Variants in CACNG8 observed in about 807,000 individuals in gnomAD.
CACNG8 encodes voltage-dependent calcium channel gamma-8 subunit.
Under a neutral mutation model 26.9 loss-of-function variants are expected in CACNG8, and 5 were observed. The ratio of observed to expected loss-of-function variants is 0.19; its 90% confidence interval spans 0.10 to 0.39. CACNG8 has a LOEUF of 0.39. CACNG8 is among the 10% of genes least tolerant of loss of function. CACNG8 has a pLI of 1.00. For synonymous variants in CACNG8, 321 were observed against 296.7 expected, an observed-to-expected ratio of 1.08 and a Z score of -0.84; for missense variants, 473 against 609.4, an observed-to-expected ratio of 0.78 and a Z score of 2.36.
chr19:53,967,456 C>G (rs1166902274), intron 1 of CACNG8, among the ~76,000 whole-genome samples: 1 of 152,182 alleles, frequency 6.6e-6, no homozygotes, highest in Non-Finnish European at 1.5e-5. Context: ...GGAGCAGTCT[C>G]TATCACGACT....
intron 1 of CACNG8, among the ~76,000 whole-genome samples, chr19:53,974,335 CAT>C (rs1414644903): frequency 6.6e-6 from 1 of 152,186 alleles, no homozygotes; most frequent in Non-Finnish European, 1.5e-5. Context: ...GTACATAGCA[CAT>C]GTTGTTTATC....
intron 1 of CACNG8, among the ~76,000 whole-genome samples, chr19:53,964,847 A>C (rs1363843354): frequency 1.3e-5 from 2 of 152,090 alleles, no homozygotes; most frequent in African/African-American, 4.8e-5. Flanking sequence ...CCTGCACCCC[A>C]GCCTCACAGC....
At position 53,987,868 on chromosome 19, in the gene CACNG8, A is replaced by G. The variant is rs2069416907; in HGVS notation, c.*5019A>G. The G allele has an allele frequency of 6.6e-6, 1 of 152,078 alleles. No individual in the cohort carries two copies. The highest frequency in any genetic ancestry group is 2.1e-4 in the South Asian group (1 of 4,812). The allele number at this position is 152,078 out of a possible 1,614,324, so 9.4% of individuals were successfully genotyped here. A position where few individuals can be genotyped will look rare whatever the true frequency, so the allele number is the denominator to read the frequency against. ...AAAAACGTAAGTTTTGGAAACGTCA[A>G]CATAAAGCCACAGGATTGGGTGACG... On this transcript the variant is annotated 3_prime_UTR_variant, in exon 4 of 4. Coordinates refer to ENST00000270458, the MANE Select transcript of CACNG8 (RefSeq NM_031895.6).
At chr19:53,966,246 C>T (rs144483336) in intron 1 of CACNG8, among the ~76,000 whole-genome samples, 114 of 151,850 alleles carry the variant, frequency 7.5e-4, no homozygotes, top group African/African-American at 2.5e-3. Context: ...TGCCACCATG[C>T]CCGGCTAATT....
chr19:53,966,199 T>G (rs768806606), intron 1 of CACNG8, among the ~76,000 whole-genome samples: 7 of 152,132 alleles, frequency 4.6e-5, no homozygotes, highest in Non-Finnish European at 7.4e-5. Context: ...GCGATTCTCA[T>G]ACCTCAGCCT....
At chr19:53,972,720 C>T (rs1393762881) in intron 1 of CACNG8, among the ~76,000 whole-genome samples, 1 of 152,164 alleles carries the variant, frequency 6.6e-6, no homozygotes, top group Non-Finnish European at 1.5e-5. Flanking sequence ...CACTACCATC[C>T]TCAATTTCCC....
intron 1 of CACNG8, among the ~76,000 whole-genome samples, chr19:53,964,120 G>C (rs75546912): frequency 0.039 from 5,870 of 151,798 alleles, 366 homozygotes; most frequent in African/African-American, 0.13. Flanking sequence ...CCTCTTTCCC[G>C]TCAGTTCATC....
Position 53,984,437 on chromosome 19 carries a change from A to T in CACNG8, c.*1588A>T, listed in dbSNP as rs982848947. 6.6e-6 allele frequency: 1 copy of T among 152,234 alleles called. No homozygotes were observed. Among genetic ancestry groups the T allele is most frequent in the African/African-American group, 2.4e-5 (1 of 41,446 alleles). 9.4% of individuals were successfully genotyped at this position (152,234 alleles called of 1,614,324 possible). ...AGCACTTGGGGTAGGCTTCCTGGAG[A>T]ATATGATGCCCATTCTGGGTCTTGA... is the stretch of plus-strand genomic sequence containing the variant. On this transcript the variant is annotated 3_prime_UTR_variant, in exon 4 of 4. Transcript: ENST00000270458.
intron 1 of CACNG8, among the ~76,000 whole-genome samples, chr19:53,969,443 A>G (rs1430950485): frequency 7.3e-6 from 1 of 137,838 alleles, no homozygotes; most frequent in Non-Finnish European, 1.6e-5. Context: ...TTTTTTTTTT[A>G]GAGATGGGTC....
At chr19:53,976,416 C>A (rs2145938304) in intron 1 of CACNG8, among the ~76,000 whole-genome samples, 1 of 152,294 alleles carries the variant, frequency 6.6e-6, no homozygotes. Flanking sequence ...GCACACAAAC[C>A]ACATGATCTA....
In CACNG8 at chr19:53,985,777, A is replaced by C. The variant is rs2069403430; in HGVS notation, c.*2928A>C. 6.6e-6 allele frequency: 1 copy of C among 151,830 alleles called. No homozygotes were observed. Among genetic ancestry groups the C allele is most frequent in the Non-Finnish European group, 1.5e-5 (1 of 68,030 alleles). The allele number at this position is 151,830 out of a possible 1,614,324, so 9.4% of individuals were successfully genotyped here. A position where few individuals can be genotyped will look rare whatever the true frequency, so the allele number is the denominator to read the frequency against. On this transcript the variant is annotated 3_prime_UTR_variant, in exon 4 of 4. Coordinates refer to ENST00000270458, the MANE Select transcript of CACNG8 (RefSeq NM_031895.6). ...CTTGGGCCTGGGAGGGTGAGGCTGC[A>C]GTGACCCGTGATGGCACCACTGCGC...
In CACNG8 at chr19:53,982,942, C is replaced by T. The variant is rs1278788159; in HGVS notation, c.*93C>T. On this transcript the variant is annotated 3_prime_UTR_variant, in exon 4 of 4. Transcript: ENST00000270458. This position sits in a 1 kb window ranked among gnomAD's most constrained non-coding sequence, Gnocchi z 8.4. ...CGGGGTCGGGGGCGCCCCCGCTTTC[C>T]CCCGTGAGCGCGCTGGAGACTGCTG... 2 of 876,788 alleles carry T rather than the reference C, an allele frequency of 2.3e-6. No individual in the cohort carries two copies. The highest frequency in any genetic ancestry group is 4.9e-5 in the South Asian group (1 of 20,296). The allele number at this position is 876,788 out of a possible 1,614,324, so 54.3% of individuals were successfully genotyped here.
intron 1 of CACNG8, among the ~76,000 whole-genome samples, chr19:53,967,600 C>T (rs920624174): frequency 6.6e-5 from 10 of 152,080 alleles, no homozygotes; most frequent in African/African-American, 2.4e-4. Context: ...TTTGGGAGGC[C>T]AAAGCAGGCG....
intron 1 of CACNG8, among the ~76,000 whole-genome samples, chr19:53,968,582 A>G (rs2069284406): frequency 6.6e-6 from 1 of 151,808 alleles, no homozygotes; most frequent in Non-Finnish European, 1.5e-5. Flanking sequence ...AGCCTGACCA[A>G]CATGGTGAAA....
chr19:53,979,119 G>C (rs2069348451), intron 2 of CACNG8, among the ~76,000 whole-genome samples: 1 of 148,258 alleles, frequency 6.7e-6, no homozygotes, highest in African/African-American at 2.5e-5. Flanking sequence ...TTGTGGGTGG[G>C]GGTGGCTAGG....
chr19:53,982,873 G>T lies in CACNG8; in HGVS notation c.*24G>T. The T allele has an allele frequency of 7.9e-7, 1 of 1,258,048 alleles. No individual in the cohort carries two copies. The highest frequency in any genetic ancestry group is 1.0e-6 in the Non-Finnish European group (1 of 1,001,224). The allele number at this position is 1,258,048 out of a possible 1,614,324, so 77.9% of individuals were successfully genotyped here. On this transcript the variant is annotated 3_prime_UTR_variant, in exon 4 of 4. Coordinates refer to ENST00000270458, the MANE Select transcript of CACNG8 (RefSeq NM_031895.6). The surrounding 1 kb of genome is among the most constrained non-coding windows in gnomAD (Gnocchi z 8.4). The stretch of plus-strand genomic sequence containing the variant: ...AGGGGCGCGGCGGGGGAGCCGAGGG[G>T]CGTGTCCGGGGCGCGTGCGCGGGCG...
chr19:53,966,284 T>C (rs1173174959), intron 1 of CACNG8, among the ~76,000 whole-genome samples: 1 of 151,970 alleles, frequency 6.6e-6, no homozygotes, highest in East Asian at 1.9e-4. Context: ...GACAGGGTTT[T>C]ACCATGTTGG....
chr19:53,971,374 A>G (rs1170403159), intron 1 of CACNG8, among the ~76,000 whole-genome samples: 1 of 152,202 alleles, frequency 6.6e-6, no homozygotes, highest in African/African-American at 2.4e-5. Context: ...CATAGCCAAG[A>G]TATTATCACT....
chr19:53,973,800 T>G (rs1600030166), intron 1 of CACNG8, among the ~76,000 whole-genome samples: 1 of 152,080 alleles, frequency 6.6e-6, no homozygotes, highest in South Asian at 2.1e-4. Context: ...CACTCCAGCC[T>G]GGTCGACAGA....
Sources: gnomAD v4.1 joint callset for allele counts (sites outside exome capture counted in the v4.1 genomes callset) on GRCh38, gnomAD v4.1.1 for gene constraint, Gnocchi (gnomAD v3.1) non-coding constraint, MANE v1.5 for transcripts, NCBI Gene and HGNC (gene_info 2026-07-23, HGNC 2026-07-21) for gene names.